Variants in FGF14 observed in about 807,000 individuals in gnomAD.
FGF14 encodes fibroblast growth factor homologous factor 4.
FGF14 carries 5 observed loss-of-function variants against 25.5 expected under a neutral mutation model. The ratio of observed to expected loss-of-function variants is 0.20; its 90% CI spans 0.10 to 0.41. The LOEUF (loss-of-function observed/expected upper bound fraction) is 0.41. FGF14 is among the 10% of genes least tolerant of loss of function. The pLI, the probability that FGF14 is intolerant of heterozygous loss-of-function variation, is 1.00. For missense variants in FGF14, 222 were observed against 320.1 expected (o/e 0.69, Z 2.34); for synonymous variants, 138 against 118.3 (o/e 1.17, Z -1.08).
intron 1 of FGF14, among the ~76,000 whole-genome samples, chr13:102,086,690 T>C (rs1263185010): frequency 6.6e-6 from 1 of 152,202 alleles, no homozygotes; most frequent in East Asian, 1.9e-4. Flanking sequence ...CGCTATACAG[T>C]AGACAAAGAA....
At chr13:101,919,516 C>T (rs975196561), upstream of FGF14, among the ~76,000 whole-genome samples, 29 of 151,822 alleles carry the variant, frequency 1.9e-4, no homozygotes, top group Admixed American at 1.8e-3. Context: ...TCTTATGCTG[C>T]AGTCTTTCCC....
intron 1 of FGF14, among the ~76,000 whole-genome samples, chr13:102,315,564 G>T (rs1035529016): frequency 1.3e-5 from 2 of 152,128 alleles, no homozygotes; most frequent in African/African-American, 4.8e-5. Flanking sequence ...TGCAAAAAGG[G>T]AACTCAATGG....
intron 3 of FGF14, among the ~76,000 whole-genome samples, chr13:101,848,387 T>C (rs1470216688): frequency 6.6e-6 from 1 of 152,022 alleles, no homozygotes; most frequent in Non-Finnish European, 1.5e-5. Context: ...TGTCTTTCCA[T>C]TGCATTTCTA....
At chr13:101,934,443 G>A (rs951817814) in intron 1 of FGF14, among the ~76,000 whole-genome samples, 1 of 152,102 alleles carries the variant, frequency 6.6e-6, no homozygotes, top group Non-Finnish European at 1.5e-5. Context: ...TCTCTGAGGT[G>A]GGAGATTGAC....
chr13:102,398,049 TG>T (rs1171539033), intron 1 of FGF14, among the ~76,000 whole-genome samples: 1 of 147,658 alleles, frequency 6.8e-6, no homozygotes, highest in East Asian at 2.0e-4. Context: ...TGTGTGTGTG[TG>T]TTCTCTGATA....
chr13:101,836,552 G>A lies in FGF14; in HGVS notation c.408+32173C>T, dbSNP rs146729039. ...AAGTGGAGTAGAAGAAGAATAATAA[G>A]GCTGATTTATAAATTCATCCTCGTA... On this transcript the variant is annotated intron_variant, in intron 3 of 4. Transcript: ENST00000376143. Among the ~76,000 whole-genome samples, 422 of 152,026 alleles carry A rather than the reference G, an allele frequency of 2.8e-3. 2 individuals are homozygous for A. The highest frequency in any genetic ancestry group is 9.7e-3 in the African/African-American group (404 of 41,498).
At position 102,143,725 on chromosome 13, in the gene FGF14, C is replaced by T. The variant is rs74977701; in HGVS notation, c.208+257746G>A. 5.7e-4 allele frequency among the ~76,000 whole-genome samples: 87 copies of T among 152,178 alleles called. No individual in the cohort carries two copies. The East Asian group carries it at 0.015, about 27-fold the overall frequency. On this transcript the variant is annotated intron_variant, in intron 1 of 4. Transcript: ENST00000376131. ...ATTGACTTCAAAATTAATTTAACCC[C>T]GAAGACACTATGTTTCAGACCTCTA...
chr13:101,848,812 A>G (rs1566307600), intron 3 of FGF14, among the ~76,000 whole-genome samples: 1 of 152,070 alleles, frequency 6.6e-6, no homozygotes, highest in Non-Finnish European at 1.5e-5. Context: ...CAGTATTTTT[A>G]CAACTTTTCT....
At chr13:102,238,079 T>C (rs58604229) in intron 1 of FGF14, among the ~76,000 whole-genome samples, 7,534 of 152,286 alleles carry the variant, frequency 0.049, 298 homozygotes, top group East Asian at 0.16. Flanking sequence ...TTTATTATCA[T>C]TGAATTTGTG....
chr13:101,732,256 T>C (rs1338251749), intron 3 of FGF14, among the ~76,000 whole-genome samples: 2 of 152,162 alleles, frequency 1.3e-5, no homozygotes, highest in Non-Finnish European at 2.9e-5. Flanking sequence ...TAAATGAAAA[T>C]TATGTTTTTG....
chr13:102,183,542 A>G (rs1214100307), intron 1 of FGF14, among the ~76,000 whole-genome samples: 2 of 152,196 alleles, frequency 1.3e-5, no homozygotes, highest in African/African-American at 4.8e-5. Context: ...ATAGTTGTCA[A>G]GTGTCTACCA....
At chr13:101,823,491 G>A (rs2042254839) in intron 3 of FGF14, among the ~76,000 whole-genome samples, 1 of 150,546 alleles carries the variant, frequency 6.6e-6, no homozygotes, top group African/African-American at 2.4e-5. Context: ...AGGCTGGAGT[G>A]CAATGGCGCG....
chr13:102,159,456 C>T (rs2047523408), intron 1 of FGF14, among the ~76,000 whole-genome samples: 1 of 152,132 alleles, frequency 6.6e-6, no homozygotes, highest in African/African-American at 2.4e-5. Context: ...TTAATTGTAG[C>T]TTACATAGTT....
intron 1 of FGF14, among the ~76,000 whole-genome samples, chr13:102,244,210 C>T (rs1052834662): frequency 6.6e-6 from 1 of 151,920 alleles, no homozygotes; most frequent in Non-Finnish European, 1.5e-5. Context: ...TTGAGGAGTA[C>T]TGTAGATCTG....
At position 101,757,288 on chromosome 13, in the gene FGF14, C is replaced by T. The variant is rs115083395; in HGVS notation, c.409-30478G>A. On this transcript the variant is annotated intron_variant, in intron 3 of 4. Coordinates refer to ENST00000376143, the MANE Select transcript of FGF14 (RefSeq NM_004115.4). ...CTTTTGTTTGCTTGTTTTTATGAAA[C>T]AAATTTGGGGTTCTATTTTCTCATA... 5.6e-3 allele frequency among the ~76,000 whole-genome samples: 851 copies of T among 152,032 alleles called. 14 individuals are homozygous for T. The highest frequency in any genetic ancestry group is 0.019 in the African/African-American group (801 of 41,498).
intron 1 of FGF14, among the ~76,000 whole-genome samples, chr13:102,222,891 C>T (rs948247899): frequency 1.1e-4 from 16 of 152,148 alleles, no homozygotes; most frequent in Non-Finnish European, 1.5e-5. Flanking sequence ...AAATCCAGGT[C>T]AAGGCCTCCA....
intron 3 of FGF14, among the ~76,000 whole-genome samples, chr13:101,847,384 A>G (rs1424693812): frequency 1.3e-5 from 2 of 152,086 alleles, no homozygotes; most frequent in Non-Finnish European, 2.9e-5. Flanking sequence ...TATGAGCTAT[A>G]GGATAATTTT....
intron 3 of FGF14, among the ~76,000 whole-genome samples, chr13:101,855,719 T>C (rs1471679424): frequency 1.3e-5 from 2 of 151,904 alleles, no homozygotes; most frequent in Non-Finnish European, 2.9e-5. Context: ...GAACTGACCA[T>C]GAAGCATAAA....
intron 1 of FGF14, among the ~76,000 whole-genome samples, chr13:101,914,964 A>G (rs2033320411): frequency 6.6e-6 from 1 of 152,198 alleles, no homozygotes; most frequent in Non-Finnish European, 1.5e-5. Flanking sequence ...CATTACACAA[A>G]GGTGGGCTGA....
Sources: allele counts gnomAD v4.1 joint callset (sites outside exome capture counted in the v4.1 genomes callset), GRCh38; gene constraint gnomAD v4.1.1; transcripts MANE v1.5; gene names NCBI Gene and HGNC (gene_info 2026-07-23, HGNC 2026-07-21).